Variants in THSD4 observed in about 807,000 individuals in gnomAD.
The protein encoded by THSD4 is thrombospondin type 1 domain containing 4.
A neutral mutation model predicts 119.0 loss-of-function variants in THSD4; 69 were observed. The observed-to-expected ratio is 0.58, with a 90% confidence interval of 0.48 to 0.71. THSD4 has a LOEUF of 0.71. Ranked by LOEUF, THSD4 falls within the 30% of genes least tolerant of loss-of-function variation. The pLI is 0.00. For synonymous variants in THSD4, 524 were observed against 540.4 expected, an observed-to-expected ratio of 0.97 and a Z score of 0.42; for missense variants, 1,393 against 1,391.1, an observed-to-expected ratio of 1.00 and a Z score of -0.02.
At chr15:71,107,529 T>A (rs901340586) in intron 1 of THSD4, among the ~76,000 whole-genome samples, 3 of 152,228 alleles carry the variant, frequency 2.0e-5, no homozygotes, top group African/African-American at 7.2e-5. Context: ...AATATCTGAT[T>A]GCATGTCAGG....
At chr15:71,296,692 T>C (rs1421708209) in intron 6 of THSD4, among the ~76,000 whole-genome samples, 1 of 152,274 alleles carries the variant, frequency 6.6e-6, no homozygotes, top group African/African-American at 2.4e-5. Context: ...GGTTTTTATG[T>C]GTTATCACAT....
Position 71,591,005 on chromosome 15 carries a change from C to CA in THSD4, c.1153-69493dup, listed in dbSNP as rs67271025. Among the ~76,000 whole-genome samples the CA allele has an allele frequency of 3.1e-3, 177 of 57,508 alleles. 5 individuals carry two copies. Among genetic ancestry groups the CA allele is most frequent in the South Asian group, 6.9e-3 (8 of 1,152 alleles). 37.7% of individuals were successfully genotyped at this position (57,508 alleles called of 152,430 possible). ...TGGGCGACAGAGCAAGACTCCATCT[C>CA]AAAAAAAAAAAAAAAAAAAAAAAAA... On this transcript the variant is annotated intron_variant, in intron 7 of 17. Coordinates refer to ENST00000261862, the MANE Select transcript of THSD4 (RefSeq NM_024817.3).
chr15:71,218,430 CTTG>C (rs1005697087), intron 4 of THSD4, among the ~76,000 whole-genome samples: 6 of 152,156 alleles, frequency 3.9e-5, no homozygotes, highest in Non-Finnish European at 8.8e-5. Context: ...GGATCAGGCT[CTTG>C]TTGGCCACAG....
At chr15:71,715,581 AAGCC>A (rs1458417477) in intron 8 of THSD4, among the ~76,000 whole-genome samples, 1 of 150,734 alleles carries the variant, frequency 6.6e-6, no homozygotes, top group Non-Finnish European at 1.5e-5. Context: ...CAGAATGTGG[AAGCC>A]ACTGTGTGTG....
intron 7 of THSD4, among the ~76,000 whole-genome samples, chr15:71,481,814 T>C (rs2047734794): frequency 6.6e-6 from 1 of 152,260 alleles, no homozygotes; most frequent in Non-Finnish European, 1.5e-5. Flanking sequence ...TAGACATTTA[T>C]GAGAACACCA....
chr15:71,325,855 C>T (rs2045330022), intron 6 of THSD4, among the ~76,000 whole-genome samples: 1 of 152,184 alleles, frequency 6.6e-6, no homozygotes, highest in Non-Finnish European at 1.5e-5. Context: ...CCAGGGGACA[C>T]CTATAGGTTA....
intron 7 of THSD4, among the ~76,000 whole-genome samples, chr15:71,486,492 G>A (rs2047820134): frequency 6.6e-6 from 1 of 152,110 alleles, no homozygotes; most frequent in Non-Finnish European, 1.5e-5. Flanking sequence ...TCACTTACGT[G>A]TGGCATAAGT....
chr15:71,643,900 G>C (rs2050915395), intron 7 of THSD4, among the ~76,000 whole-genome samples: 1 of 152,204 alleles, frequency 6.6e-6, no homozygotes, highest in Non-Finnish European at 1.5e-5. Context: ...TTGTTCCAAA[G>C]GCTGCATAAA....
chr15:71,709,977 G>A (rs560806747), intron 8 of THSD4, among the ~76,000 whole-genome samples: 80 of 152,358 alleles, frequency 5.3e-4, no homozygotes, highest in African/African-American at 1.9e-3. Context: ...GGCTAGGGAT[G>A]TGGGGAATCC....
chr15:71,116,497 GC>G lies in THSD4; in HGVS notation c.-80+800del, dbSNP rs578097616. Among the ~76,000 whole-genome samples, 1,342 of 152,200 alleles carry G rather than the reference GC, an allele frequency of 8.8e-3. 12 individuals are homozygous for G. The highest frequency in any genetic ancestry group is 0.012 in the Non-Finnish European group (832 of 67,988). On this transcript the variant is annotated intron_variant, in intron 1 of 17. Transcript: ENST00000261862. ...GTCTAGTAAGTTTTTTAAGCAGTCC[GC>G]ACCCAGCACCGTACCTCCCAGCCTC...
chr15:71,368,235 G>A (rs569123210), intron 6 of THSD4, among the ~76,000 whole-genome samples: 57 of 152,272 alleles, frequency 3.7e-4, no homozygotes, highest in African/African-American at 1.3e-3. Flanking sequence ...TCTGTAGGTT[G>A]CCTGTTCACT....
intron 10 of THSD4, 66 bp downstream of exon 10, chr15:71,731,283 T>A: frequency 6.9e-7 from 1 of 1,459,090 alleles, no homozygotes. Context: ...TCTCTCTCAA[T>A]TCTTGTGCAT....
At chr15:71,486,481 C>G (rs1026201513) in intron 7 of THSD4, among the ~76,000 whole-genome samples, 1 of 152,182 alleles carries the variant, frequency 6.6e-6, no homozygotes, top group Non-Finnish European at 1.5e-5. Flanking sequence ...TGCCCATTCT[C>G]TCACTTACGT....
chr15:71,626,915 G>T (rs1444357205), intron 7 of THSD4, among the ~76,000 whole-genome samples: 1 of 152,166 alleles, frequency 6.6e-6, no homozygotes, highest in African/African-American at 2.4e-5. Flanking sequence ...TGTAAAGTGG[G>T]AATTATCTGC....
intron 14 of THSD4, 64 bp from the exon 15 acceptor site, chr15:71,757,838 T>A (rs764296112): frequency 6.3e-6 from 10 of 1,593,682 alleles, no homozygotes; most frequent in Non-Finnish European, 8.5e-6. Flanking sequence ...CTTTCCATCA[T>A]TTGAAAGTGG....
rs114610833 is a variant in THSD4, at chr15:71,748,609, G to T, written c.2415+15G>T. The stretch of plus-strand genomic sequence containing the variant: ...GGAGCGAAAGGGTGAGTGTGATGGC[G>T]GGCAGAGCGCCGGGGACCGAGGTCT... On this transcript the variant is annotated intron_variant, in intron 14 of 17. Coordinates refer to ENST00000261862, the MANE Select transcript of THSD4 (RefSeq NM_024817.3). The T allele has an allele frequency of 6.2e-7, 1 of 1,613,430 alleles. No individual in the cohort carries two copies. Among genetic ancestry groups the T allele is most frequent in the Admixed American group, 1.7e-5 (1 of 59,980 alleles).
Position 71,277,128 on chromosome 15 carries a change from C to CTTTTTTTTTTTTT in THSD4, c.1015+20415_1015+20427dup, listed in dbSNP as rs779207517. Among the ~76,000 whole-genome samples the CTTTTTTTTTTTTT allele has an allele frequency of 8.5e-4, 104 of 122,986 alleles. 6 individuals are homozygous for CTTTTTTTTTTTTT. Among genetic ancestry groups the CTTTTTTTTTTTTT allele is most frequent in the East Asian group, 1.9e-3 (7 of 3,696 alleles). 80.7% of individuals were successfully genotyped at this position (122,986 alleles called of 152,430 possible). On this transcript the variant is annotated intron_variant, in intron 6 of 17. Coordinates refer to ENST00000261862, the MANE Select transcript of THSD4 (RefSeq NM_024817.3). Reference sequence around the variant, plus strand: ...TATTTGTATTTGAATTCTTCTTCTTCTTTTTTTTTTTTTTGAAACGGAGTT... The same window carrying CTTTTTTTTTTTTT: ...TATTTGTATTTGAATTCTTCTTCTTCTTTTTTTTTTTTTTTTTTTTTTTTTTTGAAACGGAGTT...
At chr15:71,389,364 C>G (rs2046339573) in intron 6 of THSD4, among the ~76,000 whole-genome samples, 1 of 152,086 alleles carries the variant, frequency 6.6e-6, no homozygotes, top group African/African-American at 2.4e-5. Context: ...TACCTCCGAG[C>G]AGCAGAATCA....
intron 6 of THSD4, among the ~76,000 whole-genome samples, chr15:71,369,297 G>A (rs1310665767): frequency 6.6e-6 from 1 of 152,094 alleles, no homozygotes; most frequent in Non-Finnish European, 1.5e-5. Context: ...TGATTGCCCT[G>A]GCCAGAACTT....
Sources: gnomAD v4.1 joint callset for allele counts (sites outside exome capture counted in the v4.1 genomes callset) on GRCh38, gnomAD v4.1.1 for gene constraint, MANE v1.5 for transcripts, NCBI Gene and HGNC (gene_info 2026-07-23, HGNC 2026-07-21) for gene names.